The following PTPRG variants were observed in gnomAD, a reference collection of about 807,000 sequenced individuals.
The protein encoded by PTPRG is protein tyrosine phosphatase receptor type G, also known as receptor-type tyrosine-protein phosphatase gamma.
In PTPRG, 102 loss-of-function variants were observed where a neutral mutation model predicts 165.3. That is an observed-to-expected ratio of 0.62 (90% CI 0.53 to 0.73). The LOEUF (loss-of-function observed/expected upper bound fraction) is 0.73, where lower values mean the gene tolerates loss of function less well. PTPRG is among the 30% of genes least tolerant of loss of function. The probability of loss-of-function intolerance (pLI) is 0.00; values close to 1 mark genes in which losing one functional copy is unlikely to be tolerated. For synonymous variants in PTPRG, 675 were observed against 669.5 expected (o/e 1.01, Z -0.13); for missense variants, 1,866 against 1,861.4 (o/e 1.00, Z -0.05).
At chr3:61,892,959 G>A (rs1261663876) in intron 2 of PTPRG, among the ~76,000 whole-genome samples, 1 of 152,190 alleles carries the variant, frequency 6.6e-6, no homozygotes, top group Non-Finnish European at 1.5e-5. Flanking sequence ...TAACTAAAGA[G>A]TAGATACAAT....
Position 61,679,788 on chromosome 3 carries a change from A to C in PTPRG, c.86-69090A>C, listed in dbSNP as rs1703365615. ...GAGCGAAACTCTGTCTCAAAAAACC[A>C]AAAAAACAGAAAAGCAAAAAAACCC... On this transcript the variant is annotated intron_variant, in intron 1 of 29. Coordinates refer to ENST00000474889, the MANE Select transcript of PTPRG (RefSeq NM_002841.4). Among the ~76,000 whole-genome samples, 2 of 152,170 alleles carry C rather than the reference A, an allele frequency of 1.3e-5. 1 individual carries two copies. The highest frequency in any genetic ancestry group is 4.2e-4 in the South Asian group (2 of 4,816).
intron 2 of PTPRG, among the ~76,000 whole-genome samples, chr3:61,753,912 ATAAAGT>A (rs1421479514): frequency 1.2e-4 from 18 of 152,234 alleles, no homozygotes; most frequent in Admixed American, 3.3e-4. Flanking sequence ...ATTTTTATAT[ATAAAGT>A]TATTTTCTCT....
At chr3:61,666,430 C>A (rs1575575207) in intron 1 of PTPRG, among the ~76,000 whole-genome samples, 1 of 152,218 alleles carries the variant, frequency 6.6e-6, no homozygotes, top group Non-Finnish European at 1.5e-5. Flanking sequence ...GCAAATCTGA[C>A]AAGCTTGTGT....
At chr3:62,257,927 G>A (rs1446721461) in intron 16 of PTPRG, among the ~76,000 whole-genome samples, 1 of 152,106 alleles carries the variant, frequency 6.6e-6, no homozygotes, top group Admixed American at 6.5e-5. Context: ...CCGTACCACT[G>A]CACTCCAGCC....
intron 4 of PTPRG, among the ~76,000 whole-genome samples, chr3:62,037,268 T>A (rs1699976846): frequency 6.6e-6 from 1 of 152,198 alleles, no homozygotes; most frequent in African/African-American, 2.4e-5. Flanking sequence ...TTATTTTTAT[T>A]GACATGGTGC....
At chr3:61,723,633 G>A (rs2032139728) in intron 1 of PTPRG, among the ~76,000 whole-genome samples, 1 of 152,126 alleles carries the variant, frequency 6.6e-6, no homozygotes, top group Admixed American at 6.6e-5. Flanking sequence ...ACAGGAAGGT[G>A]CCAAGATAGT....
At chr3:61,656,684 T>A (rs1702518278) in intron 1 of PTPRG, among the ~76,000 whole-genome samples, 1 of 152,250 alleles carries the variant, frequency 6.6e-6, no homozygotes, top group African/African-American at 2.4e-5. Context: ...TCAATTTTAC[T>A]TTTTAGGAGA....
intron 3 of PTPRG, among the ~76,000 whole-genome samples, chr3:61,995,472 A>G (rs2041009275): frequency 6.6e-6 from 1 of 152,122 alleles, no homozygotes. Context: ...GCCCTCATGC[A>G]AGATGTGATC....
intron 2 of PTPRG, among the ~76,000 whole-genome samples, chr3:61,919,779 T>A (rs1397259565): frequency 6.6e-6 from 1 of 152,138 alleles, no homozygotes; most frequent in Non-Finnish European, 1.5e-5. Context: ...AGTTTTTAAA[T>A]AAAAAAGTTT....
intron 6 of PTPRG, among the ~76,000 whole-genome samples, chr3:62,148,360 T>G (rs1051830722): frequency 6.6e-6 from 1 of 152,118 alleles, no homozygotes; most frequent in African/African-American, 2.4e-5. Flanking sequence ...ACAGGTCATG[T>G]CGGGCCCCAT....
intron 4 of PTPRG, among the ~76,000 whole-genome samples, chr3:62,005,690 C>CTTTTTTTTTTTT (rs35487954): frequency 1.7e-5 from 1 of 60,304 alleles, no homozygotes; most frequent in Non-Finnish European, 2.8e-5. Context: ...CATTAATATC[C>CTTTTTTTTTTTT]TTTTTTTTTT....
intron 1 of PTPRG, among the ~76,000 whole-genome samples, chr3:61,748,001 G>C (rs578222211): frequency 5.9e-5 from 9 of 152,174 alleles, no homozygotes; most frequent in Non-Finnish European, 8.8e-5. Context: ...GGAAGAGAGG[G>C]CTTTGAACGC....
intron 1 of PTPRG, among the ~76,000 whole-genome samples, chr3:61,731,301 G>T (rs1298307571): frequency 2.0e-5 from 3 of 151,534 alleles, no homozygotes; most frequent in African/African-American, 7.3e-5. Context: ...AGGAACATTA[G>T]TAGGGAGTAT....
rs534107109 is a variant in PTPRG, at chr3:62,252,627, T to G, written c.2468-2497T>G. Among the ~76,000 whole-genome samples the G allele has an allele frequency of 7.9e-5, 12 of 152,330 alleles. No individual in the cohort carries two copies. Among genetic ancestry groups the G allele is most frequent in the African/African-American group, 2.6e-4 (11 of 41,588 alleles). The stretch of plus-strand genomic sequence containing the variant: ...GATTAGGCCTCTGATGCTGTCCTAA[T>G]TGCTTGGCCTTCTGCTAGTTACATT... On this transcript the variant is annotated intron_variant, in intron 15 of 29. Transcript: ENST00000474889. The surrounding 1 kb of genome is among the most constrained non-coding windows in gnomAD (Gnocchi z 4.6).
chr3:61,818,932 A>G (rs1372804989), intron 2 of PTPRG, among the ~76,000 whole-genome samples: 1 of 151,724 alleles, frequency 6.6e-6, no homozygotes, highest in African/African-American at 2.4e-5. Context: ...AGCTATATTT[A>G]AAGGGCCACT....
At chr3:62,188,831 G>A (rs1265942861) in intron 8 of PTPRG, among the ~76,000 whole-genome samples, 8 of 152,174 alleles carry the variant, frequency 5.3e-5, no homozygotes, top group African/African-American at 1.9e-4. Context: ...AGATAGAGAA[G>A]TTAGGAAATC....
chr3:62,208,199 T>A (rs1414232551), intron 12 of PTPRG, among the ~76,000 whole-genome samples: 1 of 152,146 alleles, frequency 6.6e-6, no homozygotes, highest in African/African-American at 2.4e-5. Context: ...ACCAGGCTTT[T>A]TTCTAGCGTT....
intron 19 of PTPRG, among the ~76,000 whole-genome samples, chr3:62,268,339 G>C (rs1434992456): frequency 6.6e-6 from 1 of 151,938 alleles, no homozygotes; most frequent in Non-Finnish European, 1.5e-5. Context: ...TGGATTATGA[G>C]TTTACATTAG....
chr3:62,231,158 A>C, intron 13 of PTPRG, 67 bp from the exon 14 acceptor site: 1 of 1,253,050 alleles, frequency 8.0e-7, no homozygotes, highest in South Asian at 2.2e-5. Flanking sequence ...ATTTGTATGC[A>C]ACTCTTGGTG....
Sources: gnomAD v4.1 joint callset for allele counts (sites outside exome capture counted in the v4.1 genomes callset) on GRCh38, gnomAD v4.1.1 for gene constraint, Gnocchi (gnomAD v3.1) non-coding constraint, MANE v1.5 for transcripts, NCBI Gene and HGNC (gene_info 2026-07-23, HGNC 2026-07-21) for gene names.